Variants in FMN1 observed in about 807,000 individuals in gnomAD.
FMN1 encodes formin 1.
FMN1 carries 110 observed loss-of-function variants against 132.4 expected under a neutral mutation model. The ratio of observed to expected loss-of-function variants is 0.83; its 90% CI spans 0.71 to 0.97. The LOEUF is 0.97. Among genes scored for constraint, FMN1 ranks in the 50% least tolerant of loss-of-function variants. FMN1 has a pLI of 0.00. For synonymous variants in FMN1, 722 were observed against 651.7 expected, an observed-to-expected ratio of 1.11 and a Z score of -1.64; for missense variants, 1,792 against 1,705.3, an observed-to-expected ratio of 1.05 and a Z score of -0.90.
At chr15:32,970,370 G>A (rs1450654104) in intron 7 of FMN1, among the ~76,000 whole-genome samples, 1 of 152,016 alleles carries the variant, frequency 6.6e-6, no homozygotes, top group African/African-American at 2.4e-5. Context: ...AATATTTTTT[G>A]TCAATTTATT....
chr15:33,051,856 A>C (rs2036990396), intron 6 of FMN1, among the ~76,000 whole-genome samples: 1 of 152,122 alleles, frequency 6.6e-6, no homozygotes, highest in East Asian at 1.9e-4. Context: ...CAACATATAA[A>C]ACCCCAAGTC....
chr15:32,898,954 T>C (rs2060226770), intron 14 of FMN1, 61 bp from the exon 15 acceptor site: 9 of 1,139,642 alleles, frequency 7.9e-6, no homozygotes, highest in Middle Eastern at 4.0e-4. Flanking sequence ...TGTTACACGG[T>C]TGAGAGGTGA....
At chr15:33,185,985 T>C (rs1487095547) in intron 2 of FMN1, among the ~76,000 whole-genome samples, 1 of 152,122 alleles carries the variant, frequency 6.6e-6, no homozygotes, top group East Asian at 1.9e-4. Flanking sequence ...ATAGGGAAAA[T>C]GATGGAATCT....
intron 13 of FMN1, chr15:32,900,330 AAATT>A: frequency 1.4e-6 from 1 of 700,540 alleles, no homozygotes; most frequent in South Asian, 1.5e-5. Flanking sequence ...CTACCCACTC[AAATT>A]AATTATAAAC....
intron 20 of FMN1, 96 bp downstream of exon 20, chr15:32,776,739 T>G: frequency 1.5e-6 from 1 of 651,000 alleles, no homozygotes; most frequent in South Asian, 2.0e-5. Flanking sequence ...GAACTGAGAA[T>G]CTGGATACTA....
intron 4 of FMN1, among the ~76,000 whole-genome samples, chr15:33,108,656 G>T (rs185961685): frequency 2.8e-3 from 423 of 152,062 alleles, no homozygotes; most frequent in African/African-American, 9.7e-3. Flanking sequence ...CTTAAGAAAG[G>T]TCAACTGATA....
chr15:32,777,587 T>C (rs139705420), intron 19 of FMN1, among the ~76,000 whole-genome samples: 2,196 of 99,104 alleles, frequency 0.022, 265 homozygotes, highest in African/African-American at 0.078. Flanking sequence ...ACGTATAACA[T>C]ATAACACTTT....
chr15:33,060,665 G>A (rs1256286342), intron 6 of FMN1, among the ~76,000 whole-genome samples: 2 of 152,164 alleles, frequency 1.3e-5, no homozygotes, highest in African/African-American at 2.4e-5. Flanking sequence ...ACACTCAGCA[G>A]GGCAGTACAT....
In FMN1 at chr15:32,975,573, T is replaced by C. The variant is rs58017787; in HGVS notation, c.2224-6096A>G. 8.2e-3 allele frequency among the ~76,000 whole-genome samples: 1,243 copies of C among 152,346 alleles called. 20 individuals are homozygous for C. The highest frequency in any genetic ancestry group is 0.029 in the African/African-American group (1,199 of 41,574). ...CTAGAGCAGACATACTAAACACTCT[T>C]CTGATCTCTTTTCTGTTACTTGCTC... is the stretch of plus-strand genomic sequence containing the variant. On this transcript the variant is annotated intron_variant, in intron 7 of 20. Transcript: ENST00000616417.
At chr15:33,166,558 T>C (rs190002645) in intron 3 of FMN1, among the ~76,000 whole-genome samples, 2 of 152,216 alleles carry the variant, frequency 1.3e-5, no homozygotes, top group East Asian at 3.9e-4. Context: ...TAAGAAAAAA[T>C]TCATATCCCA....
intron 8 of FMN1, among the ~76,000 whole-genome samples, chr15:32,965,267 G>C (rs1352784279): frequency 6.6e-6 from 1 of 152,066 alleles, no homozygotes; most frequent in Admixed American, 6.6e-5. Flanking sequence ...GGGCGTGGTG[G>C]TGGGTGCCTG....
At chr15:33,062,757 A>C (rs187389972) in intron 6 of FMN1, 27 of 152,300 alleles carry the variant, frequency 1.8e-4, no homozygotes, top group African/African-American at 6.5e-4. Context: ...GAATCATAGA[A>C]AGTTTCTTTT....
At chr15:33,012,755 A>G (rs2034801287) in intron 6 of FMN1, 2 of 729,722 alleles carry the variant, frequency 2.7e-6, no homozygotes, top group Non-Finnish European at 5.0e-6. Context: ...GGTGGGAACG[A>G]CATCTTTGGT....
chr15:33,126,923 A>G (rs1481036594), intron 4 of FMN1, among the ~76,000 whole-genome samples: 2 of 152,230 alleles, frequency 1.3e-5, no homozygotes, highest in Non-Finnish European at 1.5e-5. Context: ...TTTCATCTTG[A>G]TTAAACGTAA....
intron 17 of FMN1, among the ~76,000 whole-genome samples, chr15:32,818,938 A>C (rs1330766795): frequency 6.6e-6 from 1 of 152,110 alleles, no homozygotes; most frequent in Non-Finnish European, 1.5e-5. Flanking sequence ...TAAAAAAAAA[A>C]AAAAAGGCTC....
chr15:33,137,759 G>A (rs542236032), intron 4 of FMN1, among the ~76,000 whole-genome samples: 2 of 152,242 alleles, frequency 1.3e-5, no homozygotes, highest in Middle Eastern at 3.4e-3. Flanking sequence ...CAGGTACTGC[G>A]GTTTCTTAAA....
chr15:33,034,539 T>C (rs2036100384), intron 6 of FMN1, among the ~76,000 whole-genome samples: 1 of 152,208 alleles, frequency 6.6e-6, no homozygotes, highest in South Asian at 2.1e-4. Flanking sequence ...ATTGCACCAC[T>C]GCACTCTAGC....
At chr15:33,125,767 G>C (rs1376440952) in intron 4 of FMN1, among the ~76,000 whole-genome samples, 1 of 151,388 alleles carries the variant, frequency 6.6e-6, no homozygotes, top group Non-Finnish European at 1.5e-5. Flanking sequence ...GTGAAATTTT[G>C]GTAAAAACTC....
intron 9 of FMN1, among the ~76,000 whole-genome samples, chr15:32,946,104 T>G (rs1216557605): frequency 6.6e-6 from 1 of 152,294 alleles, no homozygotes; most frequent in African/African-American, 2.4e-5. Flanking sequence ...GATGAAATAT[T>G]ACTGTATTTT....
Sources: gnomAD v4.1 joint callset for allele counts (sites outside exome capture counted in the v4.1 genomes callset) on GRCh38, gnomAD v4.1.1 for gene constraint, MANE v1.5 for transcripts, NCBI Gene and HGNC (gene_info 2026-07-23, HGNC 2026-07-21) for gene names.